Variants in IRAK1BP1 observed in about 807,000 individuals in gnomAD.
IRAK1BP1 encodes interleukin-1 receptor-associated kinase 1-binding protein 1.
IRAK1BP1 carries 24 observed loss-of-function variants against 28.0 expected under a neutral mutation model. The ratio of observed to expected loss-of-function variants is 0.86; its 90% CI spans 0.62 to 1.20. The LOEUF (loss-of-function observed/expected upper bound fraction) is 1.20. Among genes scored for constraint, IRAK1BP1 ranks in the 50% most tolerant of loss-of-function variants. The pLI, the probability that IRAK1BP1 is intolerant of heterozygous loss-of-function variation, is 0.00. For missense variants in IRAK1BP1, 336 were observed against 316.7 expected (o/e 1.06, Z -0.46); for synonymous variants, 131 against 116.3 (o/e 1.13, Z -0.81).
At chr6:78,945,172 A>C in intron 4 of IRAK1BP1, 2 of 670,574 alleles carry the variant, frequency 3.0e-6, no homozygotes, top group Non-Finnish European at 5.3e-6. Flanking sequence ...CAGTAAATTT[A>C]TCAACTAATA....
chr6:78,903,148 T>A, downstream of IRAK1BP1: 2 of 1,092,886 alleles, frequency 1.8e-6, no homozygotes, highest in African/African-American at 1.6e-5. Flanking sequence ...AAAAGAAGAC[T>A]AAGAAAAAGC....
chr6:78,897,813 G>A lies in IRAK1BP1; in HGVS notation c.382-16G>A. The A allele has an allele frequency of 6.2e-7, 1 of 1,605,930 alleles. No homozygotes were observed. Among genetic ancestry groups the A allele is most frequent in the Middle Eastern group, 1.7e-4 (1 of 6,028 alleles). On this transcript the variant is annotated splice_polypyrimidine_tract_variant and intron_variant, in intron 2 of 3. Transcript: ENST00000369940. The stretch of plus-strand genomic sequence containing the variant: ...ACATCAGACATGAAAATAATATCGT[G>A]TCATTTCATTTACAGGTCTGCATTA...
intron 4 of IRAK1BP1, among the ~76,000 whole-genome samples, chr6:78,915,742 C>A (rs1484591165): frequency 6.6e-6 from 1 of 152,202 alleles, no homozygotes; most frequent in Non-Finnish European, 1.5e-5. Flanking sequence ...TGAAAGACCT[C>A]CCAGCCTTTC....
intron 4 of IRAK1BP1, among the ~76,000 whole-genome samples, chr6:78,944,887 G>A (rs547595868): frequency 6.6e-6 from 1 of 152,310 alleles, no homozygotes; most frequent in Non-Finnish European, 1.5e-5. Context: ...AGAACTTGAA[G>A]TGTAACAGTA....
At chr6:78,887,680 A>AAACAAC (rs549997370) in intron 2 of IRAK1BP1, among the ~76,000 whole-genome samples, 3 of 152,044 alleles carry the variant, frequency 2.0e-5, no homozygotes, top group African/African-American at 7.3e-5. Flanking sequence ...ACACACACAA[A>AAACAAC]AACAACAACA....
At chr6:78,964,780 C>T in the IRAK1BP1 span, among the ~76,000 whole-genome samples, 2 of 152,118 alleles carry the variant, frequency 1.3e-5, no homozygotes, top group Admixed American at 1.3e-4. Context: ...TGTGAGCCAC[C>T]ACTCCTGCCC....
intron 2 of IRAK1BP1, among the ~76,000 whole-genome samples, chr6:78,887,406 C>T (rs1292361708): frequency 6.6e-6 from 1 of 152,140 alleles, no homozygotes; most frequent in East Asian, 1.9e-4. Context: ...TGGCTCTCAC[C>T]TGTAATCCCA....
At chr6:78,869,862 A>G (rs1204940366) in intron 1 of IRAK1BP1, among the ~76,000 whole-genome samples, 1 of 151,864 alleles carries the variant, frequency 6.6e-6, no homozygotes, top group East Asian at 2.0e-4. Flanking sequence ...TAATCCCATC[A>G]CTTTGGGAGG....
chr6:78,968,126 C>T, the IRAK1BP1 span, among the ~76,000 whole-genome samples: 1 of 152,068 alleles, frequency 6.6e-6, no homozygotes, highest in East Asian at 1.9e-4. Context: ...CAGAGCGAGA[C>T]TCCATCTCAA....
At chr6:78,961,387 C>T in the IRAK1BP1 span, among the ~76,000 whole-genome samples, 1 of 151,492 alleles carries the variant, frequency 6.6e-6, no homozygotes, top group African/African-American at 2.4e-5. Context: ...TTATAAAATA[C>T]AATATAAAGA....
In IRAK1BP1 at chr6:78,898,229, A is replaced by G; in HGVS notation, c.678A>G (p.Ser226=). Residue 226 remains serine (S), a synonymous_variant, in exon 4 of 4, where the codon TCA becomes TCG. Transcript: ENST00000369940. ...DDHQSSRLSS[S]LTVQQKIKSA... is the part of the protein sequence containing the mutation. ...ACCAGTCATCCAGACTCTCAAGTTCATTAACTGTACAACAAAAAATCAAAA... is the reference window on the plus strand; with the variant it reads ...ACCAGTCATCCAGACTCTCAAGTTCGTTAACTGTACAACAAAAAATCAAAA... 1 of 1,613,716 alleles carries G rather than the reference A, an allele frequency of 6.2e-7. No individual in the cohort carries two copies. Among genetic ancestry groups the G allele is most frequent in the Non-Finnish European group, 8.5e-7 (1 of 1,179,900 alleles).
At chr6:78,930,934 C>T (rs955989180) in intron 4 of IRAK1BP1, among the ~76,000 whole-genome samples, 4 of 143,352 alleles carry the variant, frequency 2.8e-5, no homozygotes, top group Non-Finnish European at 6.0e-5. Flanking sequence ...CTGTCAAAAA[C>T]ATAAATAAAA....
downstream of IRAK1BP1, chr6:78,946,666 TG>T: frequency 6.7e-7 from 1 of 1,490,972 alleles, no homozygotes. Flanking sequence ...ATCATTTAGA[TG>T]AAAGTTATAG....
the IRAK1BP1 span, among the ~76,000 whole-genome samples, chr6:78,975,977 C>T: frequency 3.3e-5 from 5 of 151,610 alleles, no homozygotes; most frequent in African/African-American, 9.7e-5. Flanking sequence ...TCAATGCCAT[C>T]CCCATCAAGC....
the IRAK1BP1 span, among the ~76,000 whole-genome samples, chr6:78,953,186 C>T: frequency 1.3e-5 from 2 of 152,018 alleles, no homozygotes; most frequent in Non-Finnish European, 2.9e-5. Flanking sequence ...GACACTAGAA[C>T]CACTGGGGGA....
rs920389586 is a variant in IRAK1BP1 at position 78,867,824 on chromosome 6, A to T, written c.248A>T (p.Glu83Val). Residue 83 changes from glutamate to valine, a missense_variant, in exon 1 of 4, where the codon GAG becomes GTG. Transcript: ENST00000369940. ...AGCAGCACCAAGGAGGCGGCAGCCG[A>T]GGCCAAAAAGAGCGTTTGTCGCCGT... is the stretch of plus-strand genomic sequence containing the variant. ...RVSSTKEAAA[E>V]AKKSVCRRLD... The T allele has an allele frequency of 1.9e-6, 3 of 1,612,520 alleles. No individual in the cohort carries two copies. Among genetic ancestry groups the T allele is most frequent in the Admixed American group, 3.3e-5 (2 of 59,760 alleles).
downstream of IRAK1BP1, among the ~76,000 whole-genome samples, chr6:78,905,682 A>G (rs1361579410): frequency 6.6e-6 from 1 of 152,000 alleles, no homozygotes; most frequent in Non-Finnish European, 1.5e-5. Flanking sequence ...GCTCACTGCA[A>G]CCTCCGCCTC....
chr6:78,955,453 C>G, the IRAK1BP1 span, among the ~76,000 whole-genome samples: 1 of 151,172 alleles, frequency 6.6e-6, no homozygotes, highest in Non-Finnish European at 1.5e-5. Flanking sequence ...TTTTTTTTAA[C>G]TATAAGAAGA....
the IRAK1BP1 span, among the ~76,000 whole-genome samples, chr6:78,969,680 CCT>C: frequency 6.6e-6 from 1 of 151,980 alleles, no homozygotes; most frequent in African/African-American, 2.4e-5. Flanking sequence ...CTTAACAATA[CCT>C]CTGACATAGT....
Sources: gnomAD v4.1 joint callset for allele counts (sites outside exome capture counted in the v4.1 genomes callset) on GRCh38, gnomAD v4.1.1 for gene constraint, MANE v1.5 for transcripts, NCBI Gene and HGNC (gene_info 2026-07-23, HGNC 2026-07-21) for gene names.